Variants in ANKRD30A observed in about 807,000 individuals in gnomAD.
ANKRD30A encodes ankyrin repeat domain-containing protein 30A.
ANKRD30A carries 170 observed loss-of-function variants against 166.3 expected under a neutral mutation model. The observed-to-expected ratio is 1.02, with a 90% confidence interval of 0.90 to 1.16. The LOEUF (loss-of-function observed/expected upper bound fraction) is 1.16. Ranked by LOEUF, ANKRD30A falls within the 50% of genes most tolerant of loss-of-function variation. The pLI is 0.00. For synonymous variants in ANKRD30A, 564 were observed against 508.9 expected, an observed-to-expected ratio of 1.11 and a Z score of -1.46; for missense variants, 1,630 against 1,518.0, an observed-to-expected ratio of 1.07 and a Z score of -1.23.
chr10:37,236,119 A>T (rs1045153097), downstream of ANKRD30A, among the ~76,000 whole-genome samples: 6 of 152,052 alleles, frequency 3.9e-5, no homozygotes, highest in African/African-American at 1.4e-4. Context: ...GGTTGTGTTG[A>T]AGAATATAAA....
rs554521446 is a variant in ANKRD30A, at chr10:37,204,185, T to C, written c.2869+2860T>C. On this transcript the variant is annotated intron_variant, in intron 31 of 35. Coordinates refer to ENST00000361713, the MANE Select transcript of ANKRD30A (RefSeq NM_052997.3). The stretch of plus-strand genomic sequence containing the variant: ...AAAAGAGCCTGCAGTGCCAAGACGA[T>C]CCTAAGCCAAAATAACAAAGCTGGA... Among the ~76,000 whole-genome samples the C allele has an allele frequency of 9.9e-5, 15 of 152,250 alleles. No homozygotes were observed. In the East Asian group the frequency reaches 2.1e-3, roughly 22 times the overall value.
chr10:37,249,486 T>C, the ANKRD30A span, among the ~76,000 whole-genome samples: 10 of 152,044 alleles, frequency 6.6e-5, no homozygotes, highest in African/African-American at 1.9e-4. Context: ...TCAGGGATGG[T>C]GCAAAATAAA....
chr10:37,201,289 C>A lies in ANKRD30A; in HGVS notation c.2833C>A (p.Gln945Lys), dbSNP rs980920231. The A allele has an allele frequency of 5.7e-6, 9 of 1,591,406 alleles. No individual in the cohort carries two copies. Among genetic ancestry groups the A allele is most frequent in the Middle Eastern group, 1.7e-4 (1 of 6,000 alleles). The change falls in exon 31 of 36, where the codon CAA becomes AAA. Residue 945 changes from glutamine to lysine, a missense_variant. Physicochemically the swap from Gln to Lys is moderately conservative, Grantham distance 53. Around this residue, in one of 4 missense-constraint regions of ANKRD30A, gnomAD observed 712 missense variants for 629.3 expected, o/e 1.13. Coordinates refer to ENST00000361713, the MANE Select transcript of ANKRD30A (RefSeq NM_052997.3). ...KDVCVPKATH[Q>K]KEMDKISGKL... Reference sequence around the variant, plus strand: ...TGTGTGTGTACCCAAGGCTACACATCAAAAAGAAATGGATAAAATAAGTGG... The same window carrying A: ...TGTGTGTGTACCCAAGGCTACACATAAAAAAGAAATGGATAAAATAAGTGG...
chr10:37,159,298 G>T (rs964545218), intron 15 of ANKRD30A, among the ~76,000 whole-genome samples: 2 of 152,072 alleles, frequency 1.3e-5, no homozygotes, highest in Non-Finnish European at 2.9e-5. Flanking sequence ...GGGCAGATAA[G>T]TTAAGGTCAG....
intron 12 of ANKRD30A, 141 bp from the exon 13 acceptor site, chr10:37,153,431 C>A: frequency 7.9e-7 from 1 of 1,266,604 alleles, no homozygotes; most frequent in Non-Finnish European, 1.1e-6. Context: ...TGTTGGTTTT[C>A]TATATGTATC....
intron 13 of ANKRD30A, among the ~76,000 whole-genome samples, chr10:37,154,993 C>T (rs1484705558): frequency 6.6e-6 from 1 of 152,042 alleles, no homozygotes; most frequent in Non-Finnish European, 1.5e-5. Flanking sequence ...AGAACCTTGG[C>T]TTTATTTTTA....
intron 21 of ANKRD30A, among the ~76,000 whole-genome samples, chr10:37,172,024 T>C (rs1265880702): frequency 3.4e-5 from 5 of 145,518 alleles, no homozygotes; most frequent in Non-Finnish European, 7.6e-5. Flanking sequence ...TTAGAAAACA[T>C]AAACAAAAGA....
intron 8 of ANKRD30A, among the ~76,000 whole-genome samples, chr10:37,145,823 T>C (rs568625077): frequency 6.6e-6 from 1 of 152,396 alleles, no homozygotes; most frequent in South Asian, 2.1e-4. Flanking sequence ...TGGAAATTAT[T>C]GACGTATCTG....
chr10:37,254,849 A>AT, the ANKRD30A span, among the ~76,000 whole-genome samples: 1 of 151,566 alleles, frequency 6.6e-6, no homozygotes, highest in Non-Finnish European at 1.5e-5. Context: ...CACCCAGCTA[A>AT]TTTTTTGTGT....
At chr10:37,147,131 G>A (rs74662642) in intron 8 of ANKRD30A, among the ~76,000 whole-genome samples, 6,213 of 108,332 alleles carry the variant, frequency 0.057, no homozygotes, top group South Asian at 0.11. Flanking sequence ...TTTTGTCAAT[G>A]TTATTTATTT....
At chr10:37,183,896 G>C (rs1391594667) in intron 24 of ANKRD30A, among the ~76,000 whole-genome samples, 1 of 149,334 alleles carries the variant, frequency 6.7e-6, no homozygotes, top group Non-Finnish European at 1.5e-5. Context: ...CGTCTGTAAC[G>C]CCAGCACGTT....
At chr10:37,165,941 A>G (rs1472733315) in intron 18 of ANKRD30A, among the ~76,000 whole-genome samples, 6 of 152,126 alleles carry the variant, frequency 3.9e-5, no homozygotes, top group African/African-American at 7.2e-5. Flanking sequence ...ATATTTTATT[A>G]GACAAAAAGA....
the ANKRD30A span, among the ~76,000 whole-genome samples, chr10:37,251,179 G>T: frequency 6.6e-6 from 1 of 152,306 alleles, no homozygotes; most frequent in Admixed American, 6.5e-5. Context: ...AAGAGTAGGG[G>T]CTGCTATTGA....
At chr10:37,195,956 G>T (rs1279230378) in intron 27 of ANKRD30A, among the ~76,000 whole-genome samples, 1 of 152,012 alleles carries the variant, frequency 6.6e-6, no homozygotes, top group Non-Finnish European at 1.5e-5. Flanking sequence ...CAGAGAAGAA[G>T]AAGGAAAAGA....
intron 34 of ANKRD30A, among the ~76,000 whole-genome samples, chr10:37,228,939 C>T (rs529399714): frequency 2.0e-5 from 3 of 151,966 alleles, no homozygotes; most frequent in Non-Finnish European, 2.9e-5. Context: ...ACTAATTAAT[C>T]TGCCATTTGG....
chr10:37,219,602 A>C lies in ANKRD30A; in HGVS notation c.3890A>C (p.Glu1297Ala). 1 of 1,610,422 alleles carries C rather than the reference A, an allele frequency of 6.2e-7. No homozygotes were observed. The highest frequency in any genetic ancestry group is 8.5e-7 in the Non-Finnish European group (1 of 1,177,716). ...CGTGAAACACAGTGTCAAATGAAGG[A>C]AGCTGAACACATGTATCAAAACGAA... ...DQRETQCQMK[E>A]AEHMYQNEQD... is the part of the protein sequence containing the mutation. The change falls in exon 34 of 36, where the codon GAA becomes GCA. Residue 1297 changes from glutamate (E) to alanine (A), a missense_variant. Transcript: ENST00000361713.
chr10:37,229,751 TA>T (rs1843329866), intron 34 of ANKRD30A, among the ~76,000 whole-genome samples: 1 of 152,004 alleles, frequency 6.6e-6, no homozygotes, highest in African/African-American at 2.4e-5. Context: ...ATAATTACCT[TA>T]AAATGTACCC....
At position 37,134,029 on chromosome 10, in the gene ANKRD30A, A is replaced by G. The variant is rs1272615600; in HGVS notation, c.731A>G (p.Tyr244Cys). 5.6e-6 allele frequency: 9 copies of G among 1,613,928 alleles called. No individual in the cohort carries two copies. Among genetic ancestry groups the G allele is most frequent in the Non-Finnish European group, 7.6e-6 (9 of 1,179,950 alleles). ...ADICGVTAEHYAVTCGFHHIH... is the reference protein window; with the variant it reads ...ADICGVTAEHCAVTCGFHHIH... ...ATATGTGGAGTAACTGCAGAACATT[A>G]TGCTGTTACTTGTGGATTTCATCAG... Residue 244 changes from tyrosine (Y) to cysteine (C), a missense_variant, in exon 5 of 36, where the codon TAT (tyrosine) becomes TGT (cysteine). Tyr to Cys is a radical substitution (Grantham distance 194). Around this residue, in one of 4 missense-constraint regions of ANKRD30A, gnomAD observed 904 missense variants for 818.5 expected, o/e 1.10. Coordinates refer to ENST00000361713, the MANE Select transcript of ANKRD30A (RefSeq NM_052997.3).
chr10:37,218,099 T>C (rs2132739130), intron 33 of ANKRD30A, among the ~76,000 whole-genome samples: 1 of 150,994 alleles, frequency 6.6e-6, no homozygotes, highest in East Asian at 1.9e-4. Flanking sequence ...ACAATGATAA[T>C]CCCTACCATA....
Sources: allele counts gnomAD v4.1 joint callset (sites outside exome capture counted in the v4.1 genomes callset), GRCh38; gene constraint gnomAD v4.1.1; regional missense constraint gnomAD v4.1.1; transcripts MANE v1.5; gene names NCBI Gene and HGNC (gene_info 2026-07-23, HGNC 2026-07-21).